C19orf25: variants seen among roughly 807,000 people sequenced by gnomAD.
C19orf25 encodes UPF0449 protein C19orf25.
A neutral mutation model predicts 3.1 loss-of-function variants in C19orf25; 1 was observed. That is an observed-to-expected ratio of 0.32 (90% CI 0.12 to 1.54). The LOEUF is 1.54. C19orf25 is among the 40% of genes most tolerant of loss of function. C19orf25 has a pLI of 0.38. For missense variants in C19orf25, 196 were observed against 160.4 expected (o/e 1.22, Z -1.20); for synonymous variants, 91 against 74.3 (o/e 1.23, Z -1.16).
intron 2 of C19orf25, chr19:1,478,569 C>T (rs1464668329): frequency 6.5e-6 from 9 of 1,376,870 alleles, no homozygotes; most frequent in African/African-American, 1.5e-5. Context: ...CCACAGCGCC[C>T]GGCCTCCACC....
rs1019540411 is a variant in C19orf25, at chr19:1,479,171, G to C, written c.-11C>G. The stretch of plus-strand genomic sequence containing the variant: ...CGCCGGCCTCTTCCCACCTGGGCGC[G>C]GGACCCGAAAGCCCAGCGTCGACGA... On this transcript the variant is annotated 5_prime_UTR_variant, in exon 1 of 3. Transcript: ENST00000585675. The C allele has an allele frequency of 7.0e-6, 9 of 1,278,648 alleles. No individual in the cohort carries two copies. The highest frequency in any genetic ancestry group is 7.9e-6 in the Non-Finnish European group (8 of 1,013,858). The allele number at this position is 1,278,648 out of a possible 1,614,324, so 79.2% of individuals were successfully genotyped here.
intron 2 of C19orf25, among the ~76,000 whole-genome samples, chr19:1,476,648 CTTTT>C (rs1043633348): frequency 3.3e-5 from 5 of 152,128 alleles, no homozygotes; most frequent in Admixed American, 3.3e-4. Flanking sequence ...CAATTTTTCT[CTTTT>C]TTTCTTTTTC....
At chr19:1,476,645 T>C (rs2084208446) in intron 2 of C19orf25, among the ~76,000 whole-genome samples, 1 of 152,096 alleles carries the variant, frequency 6.6e-6, no homozygotes. Context: ...ACTCAATTTT[T>C]CTCTTTTTTT....
chr19:1,477,553 C>T (rs2084217812), intron 2 of C19orf25, among the ~76,000 whole-genome samples: 2 of 152,200 alleles, frequency 1.3e-5, no homozygotes, highest in Non-Finnish European at 2.9e-5. Context: ...GCTTTCCTGC[C>T]AAAGGCTGGA....
chr19:1,476,831 G>A (rs1244259926), intron 2 of C19orf25, among the ~76,000 whole-genome samples: 1 of 152,064 alleles, frequency 6.6e-6, no homozygotes, highest in Non-Finnish European at 1.5e-5. Context: ...GCCAAGGCTG[G>A]TCTTGAACTC....
rs1284655286 is a variant in C19orf25, at chr19:1,473,736, G to C, written c.*1296C>G. The stretch of plus-strand genomic sequence containing the variant: ...CAGCTGGGGGGACAAGGAAAGCTAT[G>C]ACTGCAAGCAGCACAGAAGTGCAGG... On this transcript the variant is annotated 3_prime_UTR_variant, in exon 3 of 3. Coordinates refer to ENST00000585675, the MANE Select transcript of C19orf25 (RefSeq NM_152482.3). 6.6e-6 allele frequency: 1 copy of C among 152,580 alleles called. No individual in the cohort carries two copies. Among genetic ancestry groups the C allele is most frequent in the African/African-American group, 2.4e-5 (1 of 41,476 alleles). 9.5% of individuals were successfully genotyped at this position (152,580 alleles called of 1,614,324 possible). A position where few individuals can be genotyped will look rare whatever the true frequency, so the allele number is the denominator to read the frequency against.
At chr19:1,476,104 G>C in intron 2 of C19orf25, 2 of 398,400 alleles carry the variant, frequency 5.0e-6, no homozygotes, top group Non-Finnish European at 8.9e-6. Flanking sequence ...CAGAAACTAC[G>C]TATGGCTCCC....
Position 1,479,192 on chromosome 19 carries a change from G to A in C19orf25, c.-32C>T. ...GCGCGGGACCCGAAAGCCCAGCGTC[G>A]ACGACGCAGCCACTTCCGATTCCGG... On this transcript the variant is annotated 5_prime_UTR_variant, in exon 1 of 3. Coordinates refer to ENST00000585675, the MANE Select transcript of C19orf25 (RefSeq NM_152482.3). The A allele has an allele frequency of 2.4e-6, 3 of 1,266,566 alleles. No homozygotes were observed. Among genetic ancestry groups the A allele is most frequent in the African/African-American group, 1.6e-5 (1 of 64,068 alleles). 78.5% of individuals were successfully genotyped at this position (1,266,566 alleles called of 1,614,324 possible). A position where few individuals can be genotyped will look rare whatever the true frequency, so the allele number is the denominator to read the frequency against.
Position 1,475,220 on chromosome 19 carries a change from C to T in C19orf25, c.169G>A (p.Ala57Thr). The stretch of plus-strand genomic sequence containing the variant: ...TGCTGGTAGAGCTGCTCTCCCGGGG[C>T]CTCCGCATCCTCCATCATCCTGAAG... ...VPFRMMEDAE[A>T]PGEQLYQQSR... Residue 57 changes from alanine (A) to threonine (T), a missense_variant, in exon 3 of 3, where the codon GCC (alanine) becomes ACC (threonine). Ala to Thr is a moderately conservative substitution (Grantham distance 58, BLOSUM62 0). Coordinates refer to ENST00000585675, the MANE Select transcript of C19orf25 (RefSeq NM_152482.3). The T allele has an allele frequency of 6.4e-7, 1 of 1,560,308 alleles. No individual in the cohort carries two copies.
At chr19:1,478,572 C>T in intron 2 of C19orf25, 1 of 1,384,182 alleles carries the variant, frequency 7.2e-7, no homozygotes, top group South Asian at 1.6e-5. Context: ...CAGCGCCCGG[C>T]CTCCACCCCT....
At position 1,474,651 on chromosome 19, in the gene C19orf25, C is replaced by T; in HGVS notation, c.*381G>A. On this transcript the variant is annotated 3_prime_UTR_variant, in exon 3 of 3. Transcript: ENST00000585675. ...ATCACAGTTAACACCTCGATCCCAA[C>T]ACCTGGACTCAGAAGTGGACAGGCG... The T allele has an allele frequency of 1.6e-6, 1 of 633,914 alleles. No homozygotes were observed. The highest frequency in any genetic ancestry group is 2.5e-6 in the Non-Finnish European group (1 of 393,468). The allele number at this position is 633,914 out of a possible 1,614,324, so 39.3% of individuals were successfully genotyped here. A position where few individuals can be genotyped will look rare whatever the true frequency, so the allele number is the denominator to read the frequency against.
chr19:1,475,538 A>C, intron 2 of C19orf25: 1 of 403,604 alleles, frequency 2.5e-6, no homozygotes. Context: ...CAAATACAAA[A>C]ATTAGCTGGG....
chr19:1,478,593 C>T (rs2084230218), intron 2 of C19orf25, 181 bp downstream of exon 2: 4 of 1,398,890 alleles, frequency 2.9e-6, no homozygotes, highest in Non-Finnish European at 3.7e-6. Context: ...GTCAGAAGAA[C>T]CCTCTGAAAA....
Position 1,475,144 on chromosome 19 carries a change from A to T in C19orf25, c.245T>A (p.Val82Glu). The T allele has an allele frequency of 1.3e-6, 2 of 1,593,480 alleles. No individual in the cohort carries two copies. Among genetic ancestry groups the T allele is most frequent in the South Asian group, 2.3e-5 (2 of 88,064 alleles). ...CAGGAGCTCACACCTCTGCCTCAGC[A>T]CGTTGCCCGCCTGCTGCAGCCGCTG... ...ANQRLQQAGN[V>E]LRQRCELLQR... Residue 82 changes from valine to glutamate, a missense_variant, in exon 3 of 3, where the codon GTG (valine) becomes GAG (glutamate). Physicochemically the swap from Val to Glu is moderately radical, Grantham distance 121. Coordinates refer to ENST00000585675, the MANE Select transcript of C19orf25 (RefSeq NM_152482.3).
chr19:1,475,043 A>C lies in C19orf25; in HGVS notation c.346T>G (p.Ser116Ala), dbSNP rs775075882. ...QAALPAAEAA[S>A]SG is the part of the protein sequence containing the mutation. Reference sequence around the variant, plus strand: ...CAGGCCCCGAGAGGTCAGCCTGAGGAGGCAGCCTCGGCTGCCGGTAATGCT... The same window carrying C: ...CAGGCCCCGAGAGGTCAGCCTGAGGCGGCAGCCTCGGCTGCCGGTAATGCT... Residue 116 changes from serine (S) to alanine (A), a missense_variant, in exon 3 of 3, where the codon TCC becomes GCC. Coordinates refer to ENST00000585675, the MANE Select transcript of C19orf25 (RefSeq NM_152482.3). The C allele has an allele frequency of 5.7e-6, 9 of 1,592,236 alleles. No homozygotes were observed. The highest frequency in any genetic ancestry group is 1.3e-5 in the African/African-American group (1 of 74,546).
chr19:1,478,912 G>A lies in C19orf25; in HGVS notation c.-2-7C>T, dbSNP rs1222052897. 4 of 1,584,740 alleles carry A rather than the reference G, an allele frequency of 2.5e-6. No homozygotes were observed. The highest frequency in any genetic ancestry group is 1.1e-5 in the South Asian group (1 of 87,938). Reference sequence around the variant, plus strand: ...TTTGCCTTGGAGCCCATCTCTGAAGGCGGGGAAGGGGGCGCTGACCGGGGC... The same window carrying A: ...TTTGCCTTGGAGCCCATCTCTGAAGACGGGGAAGGGGGCGCTGACCGGGGC... On this transcript the variant is annotated splice_polypyrimidine_tract_variant and splice_region_variant and intron_variant, in intron 1 of 2. Coordinates refer to ENST00000585675, the MANE Select transcript of C19orf25 (RefSeq NM_152482.3).
At chr19:1,476,031 A>AGG (rs2084202160) in intron 2 of C19orf25, 1 of 395,536 alleles carries the variant, frequency 2.5e-6, no homozygotes, top group Non-Finnish European at 4.5e-6. Context: ...GCACACACTT[A>AGG]GGGAGGCAGG....
intron 2 of C19orf25, chr19:1,475,499 A>G (rs2084196806): frequency 7.9e-6 from 4 of 507,008 alleles, no homozygotes; most frequent in Non-Finnish European, 1.4e-5. Context: ...TGGACAACAT[A>G]GTGACACCCC....
intron 2 of C19orf25, chr19:1,478,531 C>G: frequency 8.0e-7 from 1 of 1,252,932 alleles, no homozygotes; most frequent in Non-Finnish European, 1.0e-6. Context: ...GCCTCATCCT[C>G]CGAAAGTGCT....
Sources: allele counts gnomAD v4.1 joint callset (sites outside exome capture counted in the v4.1 genomes callset), GRCh38; gene constraint gnomAD v4.1.1; transcripts MANE v1.5; gene names NCBI Gene and HGNC (gene_info 2026-07-23, HGNC 2026-07-21).